The following ITPRIP variants were observed in gnomAD, a reference collection of about 807,000 sequenced individuals.
ITPRIP encodes the protein inositol 1,4,5-trisphosphate receptor-interacting protein.
ITPRIP carries 32 observed loss-of-function variants against 35.8 expected under a neutral mutation model. The observed-to-expected ratio is 0.89, with a 90% CI of 0.68 to 1.20. ITPRIP has a LOEUF of 1.20. ITPRIP is among the 50% of genes most tolerant of loss of function. The pLI is 0.00. For missense variants in ITPRIP, 653 were observed against 735.6 expected (o/e 0.89, Z 1.30); for synonymous variants, 358 against 324.0 (o/e 1.11, Z -1.13).
chr10:104,335,604 T>G (rs1195527553), intron 1 of ITPRIP, among the ~76,000 whole-genome samples: 6 of 152,202 alleles, frequency 3.9e-5, no homozygotes, highest in Non-Finnish European at 7.3e-5. Flanking sequence ...GCTTGCCTCT[T>G]TTCTTTCCTC....
chr10:104,321,171 A>G (rs1349052775), intron 1 of ITPRIP, among the ~76,000 whole-genome samples: 1 of 151,742 alleles, frequency 6.6e-6, no homozygotes, highest in African/African-American at 2.4e-5. Context: ...CAAAGTTCTC[A>G]CCTCTACCAG....
chr10:104,328,937 C>A lies in ITPRIP; in HGVS notation c.-14+9309G>T, dbSNP rs961039750. 6.6e-6 allele frequency: 1 copy of A among 152,272 alleles called. No homozygotes were observed. Among genetic ancestry groups the A allele is most frequent in the African/African-American group, 2.4e-5 (1 of 41,508 alleles). 9.4% of individuals were successfully genotyped at this position (152,272 alleles called of 1,614,324 possible). Reference sequence around the variant, plus strand: ...TCCCAGACTGTTCTTCTACCCGAGTCCCCCTGCGGCTTAGGCGGTACCTGA... The same window carrying A: ...TCCCAGACTGTTCTTCTACCCGAGTACCCCTGCGGCTTAGGCGGTACCTGA... On this transcript the variant is annotated intron_variant, in intron 1 of 1. Transcript: ENST00000337478. The surrounding 1 kb of genome is among the most constrained non-coding windows in gnomAD (Gnocchi z 4.1).
At chr10:104,327,561 AAGGAGCCTTCC>A (rs1375646823) in intron 1 of ITPRIP, among the ~76,000 whole-genome samples, 2 of 152,084 alleles carry the variant, frequency 1.3e-5, no homozygotes, top group East Asian at 3.9e-4. Context: ...CTCCACCTCC[AAGGAGCCTTCC>A]AGGATCCCAA....
intron 1 of ITPRIP, among the ~76,000 whole-genome samples, chr10:104,322,226 C>G (rs897894473): frequency 2.0e-5 from 3 of 152,188 alleles, no homozygotes; most frequent in East Asian, 3.9e-4. Flanking sequence ...TCCTTCCAGA[C>G]AGAATTACTA....
intron 1 of ITPRIP, among the ~76,000 whole-genome samples, chr10:104,330,024 G>A (rs147133782): frequency 1.3e-3 from 202 of 152,316 alleles, no homozygotes; most frequent in African/African-American, 4.5e-3. Context: ...GGCCCCAGGG[G>A]CTGACACAGA....
Position 104,315,295 on chromosome 10 carries a change from A to G in ITPRIP, c.757T>C (p.Leu253=), listed in dbSNP as rs2135178445. ...TTGGTCTTGCCGCAGATGCAGCTCA[A>G]TGTGTCCCCATCGGCGCGGACCACC... The part of the protein sequence containing the change: ...IKVVRADGDT[L]SCICGKTKLG... Residue 253 remains leucine, a synonymous_variant, in exon 2 of 2, where the codon TTG becomes CTG. Coordinates refer to ENST00000337478, the MANE Select transcript of ITPRIP (RefSeq NM_001272013.2). This position sits in a 1 kb window ranked among gnomAD's most constrained non-coding sequence, Gnocchi z 5.7. 5.0e-6 allele frequency: 8 copies of G among 1,593,800 alleles called. No homozygotes were observed. Among genetic ancestry groups the G allele is most frequent in the Non-Finnish European group, 6.9e-6 (8 of 1,167,734 alleles).
At chr10:104,321,594 T>C (rs910973317) in intron 1 of ITPRIP, among the ~76,000 whole-genome samples, 1 of 152,014 alleles carries the variant, frequency 6.6e-6, no homozygotes, top group African/African-American at 2.4e-5. Flanking sequence ...CTTAATCCAA[T>C]AAACACCACA....
chr10:104,318,074 G>C (rs2013736698), intron 1 of ITPRIP, among the ~76,000 whole-genome samples: 1 of 152,210 alleles, frequency 6.6e-6, no homozygotes, highest in Non-Finnish European at 1.5e-5. Context: ...GCGGGGACAG[G>C]ATGAAGTGGA....
chr10:104,337,128 G>T (rs1187211539), intron 1 of ITPRIP, among the ~76,000 whole-genome samples: 2 of 152,176 alleles, frequency 1.3e-5, no homozygotes, highest in East Asian at 3.9e-4. Context: ...TCGTAAGGAG[G>T]AAAGACAGTA....
At position 104,313,859 on chromosome 10, in the gene ITPRIP, G is replaced by A; in HGVS notation, c.*549C>T. 1.0e-6 allele frequency: 1 copy of A among 985,754 alleles called. No homozygotes were observed. Among genetic ancestry groups the A allele is most frequent in the Non-Finnish European group, 1.2e-6 (1 of 830,214 alleles). 61.1% of individuals were successfully genotyped at this position (985,754 alleles called of 1,614,324 possible). On this transcript the variant is annotated 3_prime_UTR_variant, in exon 2 of 2. Transcript: ENST00000337478. ...TTTTCTCCAAATAGTATAAAAAAGT[G>A]GCAGCCATGGTGGGACCACTATTGT...
intron 1 of ITPRIP, among the ~76,000 whole-genome samples, chr10:104,330,196 G>T (rs1360223700): frequency 8.5e-5 from 13 of 152,230 alleles, no homozygotes; most frequent in African/African-American, 3.1e-4. Context: ...TACATGAATG[G>T]AGTTAGGATT....
At chr10:104,318,448 C>G (rs1339479788) in intron 1 of ITPRIP, among the ~76,000 whole-genome samples, 1 of 152,154 alleles carries the variant, frequency 6.6e-6, no homozygotes, top group Non-Finnish European at 1.5e-5. Flanking sequence ...AGTAATAGCC[C>G]GGACAACCAC....
chr10:104,331,757 C>T (rs1392421152), intron 1 of ITPRIP, among the ~76,000 whole-genome samples: 1 of 152,182 alleles, frequency 6.6e-6, no homozygotes, highest in African/African-American at 2.4e-5. Context: ...GCAAACAGTG[C>T]TGGAAGGGAA....
At chr10:104,329,388 C>T (rs1245961612) in intron 1 of ITPRIP, among the ~76,000 whole-genome samples, 2 of 152,150 alleles carry the variant, frequency 1.3e-5, no homozygotes, top group African/African-American at 4.8e-5. Context: ...CAGAGTCACA[C>T]TCTCTACGGA....
In ITPRIP at chr10:104,326,064, T is replaced by C. The variant is rs2014000094; in HGVS notation, c.-13-10000A>G. On this transcript the variant is annotated intron_variant, in intron 1 of 1. Transcript: ENST00000337478. This position sits in a 1 kb window ranked among gnomAD's most constrained non-coding sequence, Gnocchi z 4.8. Reference sequence around the variant, plus strand: ...TTTGCTCCAGCGAGCCTCTGTTGTCTGCATGTGGACACTCTGGCCGGACTC... The same window carrying C: ...TTTGCTCCAGCGAGCCTCTGTTGTCCGCATGTGGACACTCTGGCCGGACTC... Among the ~76,000 whole-genome samples the C allele has an allele frequency of 6.6e-6, 1 of 152,166 alleles. No individual in the cohort carries two copies. Among genetic ancestry groups the C allele is most frequent in the African/African-American group, 2.4e-5 (1 of 41,448 alleles).
At chr10:104,319,679 C>G (rs116535905) in intron 1 of ITPRIP, among the ~76,000 whole-genome samples, 271 of 152,218 alleles carry the variant, frequency 1.8e-3, no homozygotes, top group African/African-American at 6.3e-3. Flanking sequence ...TGTGGTCGCT[C>G]AGGGCCCACC....
In ITPRIP at chr10:104,316,078, G is replaced by T; in HGVS notation, c.-13-14C>A. On this transcript the variant is annotated splice_polypyrimidine_tract_variant and intron_variant, in intron 1 of 1. Transcript: ENST00000337478. ...GTTGGAGCTTTCCTGGGAACAGAGA[G>T]ACAGATGGTCACACCAAGCTTCCCT... is the stretch of plus-strand genomic sequence containing the variant. The T allele has an allele frequency of 6.5e-7, 1 of 1,533,910 alleles. No homozygotes were observed.
At chr10:104,331,350 G>A (rs76761935) in intron 1 of ITPRIP, among the ~76,000 whole-genome samples, 3,652 of 152,328 alleles carry the variant, frequency 0.024, 80 homozygotes, top group Middle Eastern at 0.065. Context: ...AACTTCAGGC[G>A]GGTCCCCCGG....
In ITPRIP at chr10:104,328,018, G is replaced by A. The variant is rs2014065936; in HGVS notation, c.-14+10228C>T. Among the ~76,000 whole-genome samples the A allele has an allele frequency of 6.6e-6, 1 of 152,178 alleles. No individual in the cohort carries two copies. The highest frequency in any genetic ancestry group is 2.4e-5 in the African/African-American group (1 of 41,430). ...TCCCCAGAGCAACTGGCATAGACCT[G>A]CGCTCCGTGCTAAGGACACACACTA... On this transcript the variant is annotated intron_variant, in intron 1 of 1. Transcript: ENST00000337478. The surrounding 1 kb of genome is among the most constrained non-coding windows in gnomAD (Gnocchi z 4.1).
Sources: gnomAD v4.1 joint callset for allele counts (sites outside exome capture counted in the v4.1 genomes callset) on GRCh38, gnomAD v4.1.1 for gene constraint, Gnocchi (gnomAD v3.1) non-coding constraint, MANE v1.5 for transcripts, NCBI Gene and HGNC (gene_info 2026-07-23, HGNC 2026-07-21) for gene names.